RHOH: variants seen among roughly 807,000 people sequenced by gnomAD.
The protein encoded by RHOH is ras homolog family member H, also known as rho-related GTP-binding protein RhoH.
Under a neutral mutation model 13.8 loss-of-function variants are expected in RHOH, and 6 were observed. The ratio of observed to expected loss-of-function variants is 0.44; its 90% CI spans 0.24 to 0.86. The LOEUF is 0.86. RHOH is among the 40% of genes least tolerant of loss of function. The pLI, the probability that RHOH is intolerant of heterozygous loss-of-function variation, is 0.24. For synonymous variants in RHOH, 117 were observed against 103.0 expected (o/e 1.14, Z -0.82); for missense variants, 147 against 244.5 (o/e 0.60, Z 2.66).
intron 1 of RHOH, among the ~76,000 whole-genome samples, chr4:40,234,140 G>C (rs1036970716): frequency 4.6e-5 from 7 of 150,996 alleles, no homozygotes; most frequent in African/African-American, 1.7e-4. Context: ...GAACAGTTCA[G>C]CTCAGGCCCC....
chr4:40,227,534 CTCA>C (rs1432580737), intron 1 of RHOH, among the ~76,000 whole-genome samples: 2 of 152,150 alleles, frequency 1.3e-5, no homozygotes, highest in South Asian at 4.1e-4. Flanking sequence ...TTTCAGGCAT[CTCA>C]TCATGCTGAG....
upstream of RHOH, among the ~76,000 whole-genome samples, chr4:40,193,349 A>G (rs953846376): frequency 1.3e-5 from 2 of 152,226 alleles, no homozygotes. Context: ...CAGACTGCAC[A>G]GCGTCAGAAG....
Position 40,242,704 on chromosome 4 carries a change from T to C in RHOH, c.-330-10T>C, listed in dbSNP as rs1008113511. 6.6e-6 allele frequency: 1 copy of C among 152,218 alleles called. No homozygotes were observed. The highest frequency in any genetic ancestry group is 2.4e-5 in the African/African-American group (1 of 41,460). 9.4% of individuals were successfully genotyped at this position (152,218 alleles called of 1,614,324 possible). On this transcript the variant is annotated splice_polypyrimidine_tract_variant and intron_variant, in intron 1 of 2. Transcript: ENST00000381799. Reference sequence around the variant, plus strand: ...GTATCTGTCGCTCATAACGTTCTTGTTTCTTGCAGTTTCCAACATGGCTAG... The same window carrying C: ...GTATCTGTCGCTCATAACGTTCTTGCTTCTTGCAGTTTCCAACATGGCTAG...
At chr4:40,230,856 G>A (rs531651625) in intron 1 of RHOH, among the ~76,000 whole-genome samples, 19 of 152,028 alleles carry the variant, frequency 1.2e-4, no homozygotes, top group Non-Finnish European at 2.1e-4. Flanking sequence ...AATTGTAAAC[G>A]AATTCAGCAG....
intron 1 of RHOH, among the ~76,000 whole-genome samples, chr4:40,201,693 AC>A (rs1407522143): frequency 1.3e-5 from 2 of 152,148 alleles, no homozygotes; most frequent in Non-Finnish European, 2.9e-5. Flanking sequence ...ATGTTGTTAA[AC>A]GTTTACTAGC....
upstream of RHOH, among the ~76,000 whole-genome samples, chr4:40,196,008 T>C (rs1723095265): frequency 6.6e-6 from 1 of 152,226 alleles, no homozygotes; most frequent in Admixed American, 6.5e-5. Context: ...TCAGGGCCTT[T>C]GCACATACTA....
At chr4:40,205,108 C>CA (rs780078847) in intron 1 of RHOH, among the ~76,000 whole-genome samples, 2 of 152,128 alleles carry the variant, frequency 1.3e-5, no homozygotes, top group Non-Finnish European at 2.9e-5. Flanking sequence ...ACTAAAAATA[C>CA]AAAATTAGCT....
chr4:40,210,115 T>TGTGTGTGTGG (rs1431632131), intron 1 of RHOH, among the ~76,000 whole-genome samples: 4 of 151,942 alleles, frequency 2.6e-5, no homozygotes, highest in Non-Finnish European at 4.4e-5. Flanking sequence ...TGTGTGTGTG[T>TGTGTGTGTGG]GTGTGTGTTT....
intron 1 of RHOH, among the ~76,000 whole-genome samples, chr4:40,219,150 G>A (rs1292897569): frequency 1.3e-5 from 2 of 152,042 alleles, no homozygotes; most frequent in African/African-American, 2.4e-5. Context: ...GGTGGCTCAC[G>A]CCTGTAATCC....
intron 1 of RHOH, among the ~76,000 whole-genome samples, chr4:40,242,503 T>C (rs1729373574): frequency 6.6e-6 from 1 of 152,218 alleles, no homozygotes; most frequent in Admixed American, 6.5e-5. Flanking sequence ...TGATTTCAGA[T>C]GCAGATAACT....
chr4:40,207,685 G>A lies in RHOH; in HGVS notation c.-331+10385G>A, dbSNP rs556797093. Among the ~76,000 whole-genome samples the A allele has an allele frequency of 1.1e-4, 16 of 152,352 alleles. 1 individual carries two copies. Among genetic ancestry groups the A allele is most frequent in the Middle Eastern group, 3.4e-3 (1 of 294 alleles). The stretch of plus-strand genomic sequence containing the variant: ...GGTTTCTGTTTAAAAACTAGATGGT[G>A]GCCGGGCACTGTGGCTCACGCCTGT... On this transcript the variant is annotated intron_variant, in intron 1 of 2. Transcript: ENST00000381799.
chr4:40,193,187 C>T (rs1722782225), upstream of RHOH: 1 of 152,538 alleles, frequency 6.6e-6, no homozygotes, highest in Admixed American at 6.5e-5. Flanking sequence ...CCTCACTGGG[C>T]TTGCAATGGA....
At chr4:40,204,122 T>G (rs4552473) in intron 1 of RHOH, among the ~76,000 whole-genome samples, 117,217 of 152,136 alleles carry the variant, frequency 0.77, 45,472 homozygotes, top group East Asian at 0.95. Context: ...CAGTAGCCAC[T>G]GTTCTGAGAT....
chr4:40,195,939 A>G (rs1723089736), upstream of RHOH, among the ~76,000 whole-genome samples: 1 of 152,198 alleles, frequency 6.6e-6, no homozygotes, highest in African/African-American at 2.4e-5. Flanking sequence ...CTCTACAACT[A>G]TGCTGCAAGC....
rs1725859509 is a variant in RHOH at position 40,216,163 on chromosome 4, ATACTTTTAAGAAAATGGTTTT to A, written c.-331+18866_-331+18886del. ...TTTTTTTTTTTTTTTTAGCTCTTTG[ATACTTTTAAGAAAATGGTTTT>A]TAGGCCATGCACAGGGGCTCATGCT... On this transcript the variant is annotated intron_variant, in intron 1 of 2. Coordinates refer to ENST00000381799, the MANE Select transcript of RHOH (RefSeq NM_004310.5). Among the ~76,000 whole-genome samples the A allele has an allele frequency of 2.5e-5, 3 of 120,814 alleles. No homozygotes were observed. In the East Asian group the frequency reaches 8.3e-4, roughly 33 times the overall value. The allele number at this position is 120,814 out of a possible 152,430, so 79.3% of individuals were successfully genotyped here.
intron 1 of RHOH, among the ~76,000 whole-genome samples, chr4:40,223,185 T>A (rs890694696): frequency 6.6e-6 from 1 of 152,210 alleles, no homozygotes; most frequent in Non-Finnish European, 1.5e-5. Context: ...AACAAAAGAT[T>A]TAGAATATTA....
intron 1 of RHOH, among the ~76,000 whole-genome samples, chr4:40,236,150 T>C (rs915136217): frequency 6.6e-6 from 1 of 152,200 alleles, no homozygotes; most frequent in African/African-American, 2.4e-5. Flanking sequence ...CAGACTCTAG[T>C]TGGGTCTAAC....
At chr4:40,193,479 CGAGAGA>C (rs34244157), upstream of RHOH, among the ~76,000 whole-genome samples, 25,220 of 88,772 alleles carry the variant, frequency 0.28, 3,154 homozygotes, top group South Asian at 0.36. Flanking sequence ...AGAATGAGAG[CGAGAGA>C]GAGAGAGAGA....
chr4:40,230,303 T>TG (rs1354672401), intron 1 of RHOH, among the ~76,000 whole-genome samples: 1 of 60,056 alleles, frequency 1.7e-5, no homozygotes, highest in Non-Finnish European at 4.3e-5. Flanking sequence ...CCTCCCAGAG[T>TG]GTGTGAATAC....
Sources: allele counts gnomAD v4.1 joint callset (sites outside exome capture counted in the v4.1 genomes callset), GRCh38; gene constraint gnomAD v4.1.1; transcripts MANE v1.5; gene names NCBI Gene and HGNC (gene_info 2026-07-23, HGNC 2026-07-21).